HCK: variants seen among roughly 807,000 people sequenced by gnomAD.
The protein encoded by HCK is tyrosine-protein kinase HCK.
A neutral mutation model predicts 70.4 loss-of-function variants in HCK; 40 were observed. That is an observed-to-expected ratio of 0.57 (90% CI 0.44 to 0.74). The LOEUF is 0.74. Ranked by LOEUF, HCK falls within the 30% of genes least tolerant of loss-of-function variation. The pLI is 0.00. For missense variants in HCK, 568 were observed against 697.2 expected, an observed-to-expected ratio of 0.81 and a Z score of 2.09; for synonymous variants, 245 against 263.2, an observed-to-expected ratio of 0.93 and a Z score of 0.67.
Position 32,074,680 on chromosome 20 carries a change from A to G in HCK, c.387A>G (p.Pro129=), listed in dbSNP as rs749258466. 1 of 1,614,056 alleles carries G rather than the reference A, an allele frequency of 6.2e-7. No homozygotes were observed. Among genetic ancestry groups the G allele is most frequent in the Non-Finnish European group, 8.5e-7 (1 of 1,179,922 alleles). Residue 129 remains proline, a synonymous_variant, in exon 5 of 13, where the codon CCA becomes CCG. Transcript: ENST00000375852. ...CCACCCGGAAGGAGGGCTACATCCCAAGCAACTATGTCGCCCGCGTTGACT... is the reference window on the plus strand; with the variant it reads ...CCACCCGGAAGGAGGGCTACATCCCGAGCAACTATGTCGCCCGCGTTGACT...
intron 2 of HCK, 97 bp from the exon 3 acceptor site, chr20:32,073,222 G>A: frequency 9.9e-7 from 1 of 1,008,096 alleles, no homozygotes; most frequent in Non-Finnish European, 1.5e-6. Context: ...TGCAGGGCTA[G>A]GGTAAGATGC....
intron 10 of HCK, among the ~76,000 whole-genome samples, chr20:32,093,116 T>G (rs1188500057): frequency 6.6e-6 from 1 of 152,162 alleles, no homozygotes; most frequent in Non-Finnish European, 1.5e-5. Context: ...ATCTTCTTTT[T>G]GTATTTTTAG....
chr20:32,059,966 G>A (rs1001032947), intron 1 of HCK, among the ~76,000 whole-genome samples: 4 of 152,152 alleles, frequency 2.6e-5, no homozygotes, highest in African/African-American at 7.2e-5. Flanking sequence ...AAAAGGATCA[G>A]CGCCTGTGTT....
chr20:32,066,034 T>C (rs1260121411), intron 1 of HCK, among the ~76,000 whole-genome samples: 2 of 152,162 alleles, frequency 1.3e-5, no homozygotes, highest in Non-Finnish European at 2.9e-5. Flanking sequence ...AGGTTGAGGC[T>C]GCTGGTTCTC....
chr20:32,071,896 G>C, intron 2 of HCK, 114 bp downstream of exon 2: 1 of 1,308,992 alleles, frequency 7.6e-7, no homozygotes, highest in Non-Finnish European at 1.0e-6. Context: ...GTGAAAGGGA[G>C]CTGACTGGCC....
intron 9 of HCK, among the ~76,000 whole-genome samples, chr20:32,087,699 T>C (rs2045809165): frequency 6.6e-6 from 1 of 152,108 alleles, no homozygotes; most frequent in Admixed American, 6.6e-5. Context: ...TGGAGTGCAG[T>C]GGCACAATCT....
chr20:32,081,819 C>T (rs2045712796), intron 6 of HCK, among the ~76,000 whole-genome samples: 1 of 152,250 alleles, frequency 6.6e-6, no homozygotes, highest in Non-Finnish European at 1.5e-5. Context: ...CTGGTCCATC[C>T]TGCAGACAAG....
intron 1 of HCK, among the ~76,000 whole-genome samples, chr20:32,063,277 C>A (rs764399840): frequency 6.6e-6 from 1 of 152,088 alleles, no homozygotes; most frequent in Non-Finnish European, 1.5e-5. Context: ...TTTTTTGAAA[C>A]ATTCTTGCTC....
intron 6 of HCK, 76 bp downstream of exon 6, chr20:32,079,953 A>G (rs2045686574): frequency 9.0e-7 from 1 of 1,111,064 alleles, no homozygotes; most frequent in Non-Finnish European, 1.3e-6. Flanking sequence ...CTTTCCTTGG[A>G]AAATGCCCTG....
At chr20:32,089,149 A>G (rs1464206805) in intron 10 of HCK, among the ~76,000 whole-genome samples, 3 of 152,254 alleles carry the variant, frequency 2.0e-5, no homozygotes, top group Non-Finnish European at 4.4e-5. Context: ...CCAAGCCTTC[A>G]TGAGCAGGCT....
intron 12 of HCK, among the ~76,000 whole-genome samples, chr20:32,100,109 C>T (rs774891911): frequency 6.6e-6 from 1 of 151,994 alleles, no homozygotes; most frequent in Non-Finnish European, 1.5e-5. Context: ...GGTCTCACTA[C>T]GTTGTGCAGC....
At chr20:32,054,152 AAC>A (rs2045227707) in intron 1 of HCK, 1 of 438,558 alleles carries the variant, frequency 2.3e-6, no homozygotes, top group Non-Finnish European at 4.6e-6. Context: ...TACTAAAAGT[AAC>A]AGAAAAAATT....
chr20:32,058,420 T>C (rs1022078674), intron 1 of HCK, among the ~76,000 whole-genome samples: 2 of 151,366 alleles, frequency 1.3e-5, no homozygotes, highest in African/African-American at 4.9e-5. Flanking sequence ...TAATTTCAGC[T>C]ACTTGGGAAG....
chr20:32,075,706 T>C (rs554447287), intron 5 of HCK, among the ~76,000 whole-genome samples: 102 of 150,472 alleles, frequency 6.8e-4, no homozygotes, highest in African/African-American at 2.0e-3. Flanking sequence ...ATCCATCCAT[T>C]CATCCATCCA....
chr20:32,094,090 G>C (rs2045901923), intron 11 of HCK, 74 bp downstream of exon 11: 1 of 1,430,510 alleles, frequency 7.0e-7, no homozygotes, highest in Non-Finnish European at 9.6e-7. Flanking sequence ...ATACTTGTGA[G>C]AGCGATTGGT....
chr20:32,055,568 T>A (rs919689794), intron 1 of HCK, among the ~76,000 whole-genome samples: 1 of 152,266 alleles, frequency 6.6e-6, no homozygotes, highest in African/African-American at 2.4e-5. Context: ...AGTGGCTGCA[T>A]AATATTCCAC....
At chr20:32,060,689 T>G (rs1402167934) in intron 1 of HCK, among the ~76,000 whole-genome samples, 3 of 152,228 alleles carry the variant, frequency 2.0e-5, no homozygotes, top group Non-Finnish European at 2.9e-5. Flanking sequence ...CCAGGTCCTT[T>G]TTTATTTTTT....
intron 1 of HCK, among the ~76,000 whole-genome samples, chr20:32,060,059 A>T (rs886839562): frequency 6.6e-6 from 1 of 152,094 alleles, no homozygotes; most frequent in Non-Finnish European, 1.5e-5. Context: ...TAAAGTGAAA[A>T]GTGGCCCTGG....
chr20:32,064,334 A>G (rs1204182609), intron 1 of HCK, among the ~76,000 whole-genome samples: 1 of 152,128 alleles, frequency 6.6e-6, no homozygotes, highest in Non-Finnish European at 1.5e-5. Context: ...CATTGGCTTG[A>G]TTTGGTCACA....
Sources: allele counts gnomAD v4.1 joint callset (sites outside exome capture counted in the v4.1 genomes callset), GRCh38; gene constraint gnomAD v4.1.1; transcripts MANE v1.5; gene names NCBI Gene and HGNC (gene_info 2026-07-23, HGNC 2026-07-21).